Variants in ABHD5 observed in about 807,000 individuals in gnomAD.
ABHD5 encodes the protein 1-acylglycerol-3-phosphate O-acyltransferase ABHD5.
A neutral mutation model predicts 44.9 loss-of-function variants in ABHD5; 30 were observed. That is an observed-to-expected ratio of 0.67 (90% CI 0.50 to 0.91). The LOEUF (loss-of-function observed/expected upper bound fraction) is 0.91, where lower values mean the gene tolerates loss of function less well. Among genes scored for constraint, ABHD5 ranks in the 40% least tolerant of loss-of-function variants. The pLI is 0.00. For synonymous variants in ABHD5, 167 were observed against 147.0 expected, an observed-to-expected ratio of 1.14 and a Z score of -0.99; for missense variants, 399 against 423.4, an observed-to-expected ratio of 0.94 and a Z score of 0.50.
At position 43,702,422 on chromosome 3, in the gene ABHD5, G is replaced by T. The variant is rs148743497; in HGVS notation, c.341G>T (p.Arg114Leu). 16,779 of 1,614,200 alleles carry T rather than the reference G, an allele frequency of 0.01. 131 individuals carry two copies. Among genetic ancestry groups the T allele is most frequent in the Non-Finnish European group, 0.012 (14,569 of 1,180,042 alleles). Residue 114 changes from arginine (R) to leucine (L), a missense_variant, in exon 3 of 7, where the codon CGA becomes CTA. Physicochemically the swap from Arg to Leu is moderately radical, Grantham distance 102. Transcript: ENST00000644371. Reference protein sequence around the residue: ...VYAFDLLGFGRSSRPRFDSDA... With the variant: ...VYAFDLLGFGLSSRPRFDSDA... Reference sequence around the variant, plus strand: ...GCTTTTGACCTATTGGGTTTTGGACGAAGTAGTAGACCCAGGTTTGACAGT... The same window carrying T: ...GCTTTTGACCTATTGGGTTTTGGACTAAGTAGTAGACCCAGGTTTGACAGT...
intron 1 of ABHD5, 105 bp downstream of exon 1, chr3:43,691,144 C>A: frequency 1.7e-6 from 2 of 1,157,164 alleles, no homozygotes. Flanking sequence ...GCCCGCCTGG[C>A]GACGACGGGC....
At chr3:43,725,898 C>T (rs2084874702), downstream of ABHD5, among the ~76,000 whole-genome samples, 3 of 151,120 alleles carry the variant, frequency 2.0e-5, no homozygotes, top group South Asian at 6.3e-4. Context: ...GAGGCAGAGT[C>T]TCCCTCTGTT....
chr3:43,708,671 A>G (rs565177764), intron 3 of ABHD5, among the ~76,000 whole-genome samples: 1 of 152,358 alleles, frequency 6.6e-6, no homozygotes, highest in South Asian at 2.1e-4. Flanking sequence ...CTTAAAACCA[A>G]AAATAAGGAA....
chr3:43,730,622 C>T (rs1183237740), intron 7 of ABHD5, among the ~76,000 whole-genome samples: 1 of 150,626 alleles, frequency 6.6e-6, no homozygotes, highest in African/African-American at 2.4e-5. Context: ...AGTCTTCCCT[C>T]AGCCTCCTGA....
downstream of ABHD5, among the ~76,000 whole-genome samples, chr3:43,724,826 G>A (rs1302950171): frequency 6.6e-6 from 1 of 152,128 alleles, no homozygotes; most frequent in African/African-American, 2.4e-5. Flanking sequence ...TTTTGAGGAG[G>A]ATAAATATAT....
Position 43,691,019 on chromosome 3 carries a change from C to T in ABHD5, c.27C>T (p.Asp9=). The change falls in exon 1 of 7, where the codon GAC becomes GAT. Residue 9 remains aspartate, a synonymous_variant. Transcript: ENST00000644371. MAAEEEEV[D]SADTGERSGW... ...TGGCGGCGGAGGAGGAGGAGGTGGA[C>T]TCTGCCGACACCGGAGAGAGGTAAG... 1 of 1,565,292 alleles carries T rather than the reference C, an allele frequency of 6.4e-7. No individual in the cohort carries two copies. Among genetic ancestry groups the T allele is most frequent in the Non-Finnish European group, 8.6e-7 (1 of 1,158,396 alleles).
chr3:43,728,963 A>G (rs2084896279), intron 7 of ABHD5, among the ~76,000 whole-genome samples: 1 of 152,164 alleles, frequency 6.6e-6, no homozygotes, highest in African/African-American at 2.4e-5. Flanking sequence ...TCCCATGTAA[A>G]AGTAAGGATT....
chr3:43,717,897 A>G, intron 6 of ABHD5, 40 bp downstream of exon 6: 9 of 1,612,718 alleles, frequency 5.6e-6, no homozygotes, highest in Non-Finnish European at 7.6e-6. Context: ...GGTATAGGTG[A>G]GGTCCGTTTT....
rs1285123105 is a variant in ABHD5, at chr3:43,691,059, G to A, written c.47+20G>A. ...AGAGAGGTAAGCGCAGCCGGCAGGG[G>A]GCTTCGTGTGTCTCCGGCGCGCACC... On this transcript the variant is annotated intron_variant, in intron 1 of 6. Transcript: ENST00000644371. 3.9e-6 allele frequency: 6 copies of A among 1,535,750 alleles called. No homozygotes were observed. Among genetic ancestry groups the A allele is most frequent in the South Asian group, 3.6e-5 (3 of 83,700 alleles).
At chr3:43,703,963 A>G (rs1049364822) in intron 3 of ABHD5, among the ~76,000 whole-genome samples, 1 of 151,108 alleles carries the variant, frequency 6.6e-6, no homozygotes, top group African/African-American at 2.4e-5. Flanking sequence ...CAACTGGCGG[A>G]CCTGTTCTTT....
In ABHD5 at chr3:43,721,064, A is replaced by C. The variant is rs543597397; in HGVS notation, c.*2532A>C. The C allele has an allele frequency of 6.6e-6, 1 of 152,314 alleles. No individual in the cohort carries two copies. Among genetic ancestry groups the C allele is most frequent in the African/African-American group, 2.4e-5 (1 of 41,570 alleles). The allele number at this position is 152,314 out of a possible 1,614,324, so 9.4% of individuals were successfully genotyped here. A position where few individuals can be genotyped will look rare whatever the true frequency, so the allele number is the denominator to read the frequency against. The stretch of plus-strand genomic sequence containing the variant: ...AAGAAGTACTGGAAAGAATAAACAA[A>C]AATAGCCAGAAGATGCCTAGAAAAG... On this transcript the variant is annotated 3_prime_UTR_variant, in exon 7 of 7. Transcript: ENST00000644371.
chr3:43,724,073 T>C (rs1180243378), downstream of ABHD5, among the ~76,000 whole-genome samples: 1 of 152,166 alleles, frequency 6.6e-6, no homozygotes, highest in African/African-American at 2.4e-5. Context: ...TGAAGCTGGG[T>C]GACAGACACA....
chr3:43,694,258 C>CAAAAA (rs80129256), intron 1 of ABHD5, among the ~76,000 whole-genome samples: 1 of 45,510 alleles, frequency 2.2e-5, no homozygotes, highest in African/African-American at 8.0e-5. Flanking sequence ...GACTCCGTCT[C>CAAAAA]AAAAAAAAAA....
Position 43,690,942 on chromosome 3 carries a change from G to T in ABHD5, c.-51G>T, listed in dbSNP as rs1399819007. On this transcript the variant is annotated 5_prime_UTR_variant, in exon 1 of 7. Coordinates refer to ENST00000644371, the MANE Select transcript of ABHD5 (RefSeq NM_016006.6). ...CGCGCCAGCCCGGGGCGGCCCAGTC[G>T]GCCTGTCAGCCGGCTTCGAGATAAG... 2 of 1,539,566 alleles carry T rather than the reference G, an allele frequency of 1.3e-6. No individual in the cohort carries two copies. The highest frequency in any genetic ancestry group is 1.9e-5 in the Admixed American group (1 of 51,572).
chr3:43,730,682 C>CT (rs1379306396), intron 7 of ABHD5, among the ~76,000 whole-genome samples: 2 of 151,754 alleles, frequency 1.3e-5, no homozygotes, highest in Non-Finnish European at 2.9e-5. Flanking sequence ...ATTTTTCTTA[C>CT]TTTTTGGAGA....
chr3:43,723,252 GA>G (rs1259539021), downstream of ABHD5, among the ~76,000 whole-genome samples: 1 of 152,152 alleles, frequency 6.6e-6, no homozygotes, highest in Non-Finnish European at 1.5e-5. Flanking sequence ...TCAATATTTT[GA>G]AAATTGTTCA....
intron 7 of ABHD5, among the ~76,000 whole-genome samples, chr3:43,727,970 T>C (rs1174129535): frequency 1.3e-5 from 2 of 152,174 alleles, no homozygotes; most frequent in African/African-American, 4.8e-5. Flanking sequence ...ATGTTTGCAA[T>C]CAGCATCTTG....
At chr3:43,709,811 A>T (rs1409910388) in intron 3 of ABHD5, among the ~76,000 whole-genome samples, 1 of 152,256 alleles carries the variant, frequency 6.6e-6, no homozygotes, top group South Asian at 2.1e-4. Context: ...GTGGGAGGCC[A>T]AGGTGGGCAG....
chr3:43,718,824 C>T lies in ABHD5; in HGVS notation c.*292C>T, dbSNP rs2084800755. ...GATGTACTGAAAAACTGTAATTTTT[C>T]AGCTGAAAATTTTTTAATCTAACTT... is the stretch of plus-strand genomic sequence containing the variant. On this transcript the variant is annotated 3_prime_UTR_variant, in exon 7 of 7. Transcript: ENST00000644371. 3.1e-6 allele frequency: 1 copy of T among 319,376 alleles called. No individual in the cohort carries two copies. Among genetic ancestry groups the T allele is most frequent in the Non-Finnish European group, 5.9e-6 (1 of 170,658 alleles). The allele number at this position is 319,376 out of a possible 1,614,324, so 19.8% of individuals were successfully genotyped here. A position where few individuals can be genotyped will look rare whatever the true frequency, so the allele number is the denominator to read the frequency against.
Sources: allele counts gnomAD v4.1 joint callset (sites outside exome capture counted in the v4.1 genomes callset), GRCh38; gene constraint gnomAD v4.1.1; transcripts MANE v1.5; gene names NCBI Gene and HGNC (gene_info 2026-07-23, HGNC 2026-07-21).